SOX6: variants seen among roughly 807,000 people sequenced by gnomAD.
The protein encoded by SOX6 is SRY-box transcription factor 6.
Under a neutral mutation model 97.8 loss-of-function variants are expected in SOX6, and 11 were observed. The ratio of observed to expected loss-of-function variants is 0.11; its 90% CI spans 0.07 to 0.19. The LOEUF is 0.19. Among genes scored for constraint, SOX6 ranks in the 10% least tolerant of loss-of-function variants. SOX6 has a pLI of 1.00. For synonymous variants in SOX6, 360 were observed against 371.4 expected, an observed-to-expected ratio of 0.97 and a Z score of 0.35; for missense variants, 810 against 1,039.5, an observed-to-expected ratio of 0.78 and a Z score of 3.04.
chr11:16,482,071 T>C (rs910356581), intron 4 of SOX6, among the ~76,000 whole-genome samples: 5 of 152,250 alleles, frequency 3.3e-5, no homozygotes, highest in South Asian at 2.1e-4. Context: ...TGTTGTGATA[T>C]GTTGGTTTGG....
intron 4 of SOX6, among the ~76,000 whole-genome samples, chr11:16,500,902 T>TGGAA (rs1227254512): frequency 6.6e-6 from 1 of 152,112 alleles, no homozygotes; most frequent in Non-Finnish European, 1.5e-5. Flanking sequence ...ATTTATAGAT[T>TGGAA]CAATGCTATC....
intron 4 of SOX6, among the ~76,000 whole-genome samples, chr11:16,573,662 G>A (rs1331288279): frequency 6.6e-6 from 1 of 152,154 alleles, no homozygotes; most frequent in Non-Finnish European, 1.5e-5. Context: ...TGTGCAGATA[G>A]TTAATAAAAC....
chr11:16,678,690 T>C (rs1847903065), intron 3 of SOX6, among the ~76,000 whole-genome samples: 1 of 152,146 alleles, frequency 6.6e-6, no homozygotes, highest in Non-Finnish European at 1.5e-5. Flanking sequence ...GGATTTCCCT[T>C]TCCTAGCTAA....
chr11:16,122,531 G>T (rs950824192), intron 6 of SOX6, among the ~76,000 whole-genome samples: 2 of 151,964 alleles, frequency 1.3e-5, no homozygotes, highest in African/African-American at 4.8e-5. Context: ...ACCAAATTCA[G>T]ATATAAACCG....
intron 4 of SOX6, among the ~76,000 whole-genome samples, chr11:16,500,159 C>G (rs561780328): frequency 2.5e-4 from 38 of 152,082 alleles, no homozygotes; most frequent in Admixed American, 1.1e-3. Flanking sequence ...GTTCAACATG[C>G]GCAAATCAAT....
chr11:16,434,638 C>A (rs1859338122), intron 1 of SOX6, among the ~76,000 whole-genome samples: 1 of 152,132 alleles, frequency 6.6e-6, no homozygotes, highest in African/African-American at 2.4e-5. Flanking sequence ...CTACAAAATT[C>A]TTTGACGTAA....
intron 2 of SOX6, among the ~76,000 whole-genome samples, chr11:16,731,480 A>G (rs1848349692): frequency 6.6e-6 from 1 of 152,224 alleles, no homozygotes; most frequent in Admixed American, 6.5e-5. Context: ...CATACACAGA[A>G]CCAATGACAA....
At chr11:16,676,616 G>T (rs1847886496) in intron 3 of SOX6, among the ~76,000 whole-genome samples, 1 of 152,078 alleles carries the variant, frequency 6.6e-6, no homozygotes, top group African/African-American at 2.4e-5. Context: ...ATTTTGTAAA[G>T]TCTGTATTCT....
At chr11:16,469,538 T>C (rs1860103816) in intron 1 of SOX6, among the ~76,000 whole-genome samples, 1 of 152,098 alleles carries the variant, frequency 6.6e-6, no homozygotes, top group African/African-American at 2.4e-5. Context: ...GACTGAAAGA[T>C]AAAACTCAGC....
At chr11:16,311,513 G>C (rs2134290176) in intron 3 of SOX6, 1 of 152,238 alleles carries the variant, frequency 6.6e-6, no homozygotes, top group African/African-American at 2.4e-5. Flanking sequence ...TGTTCTAAAT[G>C]CTTTAGTTGC....
At chr11:16,462,790 A>G (rs1859956291) in intron 1 of SOX6, among the ~76,000 whole-genome samples, 1 of 152,188 alleles carries the variant, frequency 6.6e-6, no homozygotes, top group African/African-American at 2.4e-5. Context: ...GGCAGGCAAC[A>G]ATCACTCTGT....
intron 12 of SOX6, among the ~76,000 whole-genome samples, chr11:16,018,826 T>C (rs1185106734): frequency 1.3e-5 from 2 of 152,116 alleles, no homozygotes; most frequent in Non-Finnish European, 2.9e-5. Context: ...CATTAAATTT[T>C]TACTGATCAC....
chr11:16,024,626 A>G (rs996655669), intron 12 of SOX6, among the ~76,000 whole-genome samples: 6 of 151,972 alleles, frequency 3.9e-5, no homozygotes, highest in African/African-American at 1.5e-4. Context: ...CAGAATCTCA[A>G]TGCTATAAGC....
intron 1 of SOX6, among the ~76,000 whole-genome samples, chr11:16,396,547 CTG>C (rs1379450076): frequency 6.6e-6 from 1 of 151,468 alleles, no homozygotes; most frequent in Non-Finnish European, 1.5e-5. Context: ...AAGATGTAAA[CTG>C]AAAGAAAATG....
At chr11:16,636,088 G>T (rs1228237117) in intron 3 of SOX6, among the ~76,000 whole-genome samples, 1 of 152,186 alleles carries the variant, frequency 6.6e-6, no homozygotes, top group Admixed American at 6.5e-5. Context: ...TGAGAGGAAG[G>T]CCACCATCCT....
At chr11:16,307,195 A>G (rs1184263751) in intron 3 of SOX6, among the ~76,000 whole-genome samples, 1 of 152,318 alleles carries the variant, frequency 6.6e-6, no homozygotes, top group African/African-American at 2.4e-5. Context: ...CATAATAGAA[A>G]TTGATATCAT....
intron 4 of SOX6, among the ~76,000 whole-genome samples, chr11:16,527,092 A>T (rs573929357): frequency 1.2e-3 from 187 of 152,218 alleles, no homozygotes; most frequent in African/African-American, 4.2e-3. Context: ...GCCAGATATC[A>T]GCTGTTCATT....
At position 15,988,978 on chromosome 11, in the gene SOX6, G is replaced by A; in HGVS notation, c.1966+19C>T. Reference sequence around the variant, plus strand: ...TTTGCAGGGGAGAAGATCAGCTTTAGCTGCACTGCTGCACTCACCTAAGAT... The same window carrying A: ...TTTGCAGGGGAGAAGATCAGCTTTAACTGCACTGCTGCACTCACCTAAGAT... On this transcript the variant is annotated intron_variant, in intron 14 of 15. Coordinates refer to ENST00000683767, the MANE Select transcript of SOX6 (RefSeq NM_001367873.1). 2 of 1,604,282 alleles carry A rather than the reference G, an allele frequency of 1.2e-6. No homozygotes were observed. Among genetic ancestry groups the A allele is most frequent in the Non-Finnish European group, 1.7e-6 (2 of 1,171,016 alleles).
rs547914151 is a variant in SOX6, at chr11:15,974,469, C to A, written c.2184-1357G>T. Among the ~76,000 whole-genome samples the A allele has an allele frequency of 2.4e-3, 327 of 138,390 alleles. 3 individuals are homozygous for A. Among genetic ancestry groups the A allele is most frequent in the African/African-American group, 8.6e-3 (313 of 36,340 alleles). 90.8% of individuals were successfully genotyped at this position (138,390 alleles called of 152,430 possible). A position where few individuals can be genotyped will look rare whatever the true frequency, so the allele number is the denominator to read the frequency against. On this transcript the variant is annotated intron_variant, in intron 15 of 15. Coordinates refer to ENST00000683767, the MANE Select transcript of SOX6 (RefSeq NM_001367873.1). ...GTTAGTTACATATGTATACATGTGC[C>A]ATGCTGGTGCGCTGCACCCACTAAT... is the stretch of plus-strand genomic sequence containing the variant.
Sources: gnomAD v4.1 joint callset for allele counts (sites outside exome capture counted in the v4.1 genomes callset) on GRCh38, gnomAD v4.1.1 for gene constraint, MANE v1.5 for transcripts, NCBI Gene and HGNC (gene_info 2026-07-23, HGNC 2026-07-21) for gene names.